Variants in SLC38A10 observed in about 807,000 individuals in gnomAD.
The protein encoded by SLC38A10 is solute carrier family 38 member 10.
SLC38A10 carries 53 observed loss-of-function variants against 81.0 expected under a neutral mutation model. That is an observed-to-expected ratio of 0.65 (90% CI 0.53 to 0.82). The LOEUF (loss-of-function observed/expected upper bound fraction) is 0.82. Ranked by LOEUF, SLC38A10 falls within the 40% of genes least tolerant of loss-of-function variation. The pLI is 0.00. For missense variants in SLC38A10, 1,471 were observed against 1,545.0 expected (o/e 0.95, Z 0.80); for synonymous variants, 665 against 655.3 (o/e 1.01, Z -0.23).
At position 81,245,821 on chromosome 17, in the gene SLC38A10, G is replaced by A. The variant is rs61740864; in HGVS notation, c.3095C>T (p.Pro1032Leu). The A allele has an allele frequency of 4.1e-3, 6,632 of 1,610,356 alleles. 240 individuals are homozygous for A. In the African/African-American group the frequency reaches 0.077, roughly 19 times the overall value. Residue 1032 changes from proline to leucine, a missense_variant, in exon 16 of 16, where the codon CCG becomes CTG. This residue lies in a region of SLC38A10 where 751 missense variants were observed against 717.4 expected (regional missense o/e 1.05). Transcript: ENST00000374759. ...GTCCCGGTTGGGCTTGGCATTGTCC[G>A]GCCTCTGGCCCCCCGGGACAGCTCG... ...LKRAVPGGQR[P>L]DNAKPNRDLK...
intron 1 of SLC38A10, among the ~76,000 whole-genome samples, chr17:81,291,829 G>A (rs2063313047): frequency 6.6e-6 from 1 of 152,116 alleles, no homozygotes; most frequent in Non-Finnish European, 1.5e-5. Flanking sequence ...ACACCAGAAC[G>A]CAAGCCAGAC....
chr17:81,276,991 G>A lies in SLC38A10; in HGVS notation c.729+40C>T, dbSNP rs547421514. ...CGGGGCACCACGGCACATCATGCTG[G>A]CATGACACAGGGGCGGAGAGGGCGT... is the stretch of plus-strand genomic sequence containing the variant. On this transcript the variant is annotated intron_variant, in intron 7 of 15. Coordinates refer to ENST00000374759, the MANE Select transcript of SLC38A10 (RefSeq NM_001037984.3). The surrounding 1 kb of genome is among the most constrained non-coding windows in gnomAD (Gnocchi z 4.7). 26 of 1,589,760 alleles carry A rather than the reference G, an allele frequency of 1.6e-5. 1 individual carries two copies. The highest frequency in any genetic ancestry group is 2.2e-5 in the Non-Finnish European group (25 of 1,158,618).
rs779594461 is a variant in SLC38A10, at chr17:81,270,949, T to C, written c.1100A>G (p.Lys367Arg). 1.5e-5 allele frequency: 25 copies of C among 1,613,952 alleles called. No individual in the cohort carries two copies. The highest frequency in any genetic ancestry group is 2.1e-5 in the Non-Finnish European group (25 of 1,180,012). The change falls in exon 10 of 16, where the codon AAG becomes AGG. Residue 367 changes from lysine (K) to arginine (R), a missense_variant. Physicochemically the swap from Lys to Arg is conservative, Grantham distance 26. Around this residue, in one of 2 missense-constraint regions of SLC38A10, gnomAD observed 720 missense variants for 827.7 expected, o/e 0.87. Transcript: ENST00000374759. The surrounding 1 kb of genome is among the most constrained non-coding windows in gnomAD (Gnocchi z 4.0). ...GGAAAGTGCGTTCTTGTGGATTTTC[T>C]TGTAGATCAGCGCCGGGCAGATGAA... Reference protein sequence around the residue: ...ICFICPALIYKKIHKNALSSQ... With the variant: ...ICFICPALIYRKIHKNALSSQ...
chr17:81,277,756 A>T lies in SLC38A10; in HGVS notation c.627-623T>A, dbSNP rs2063174957. 6.6e-6 allele frequency among the ~76,000 whole-genome samples: 1 copy of T among 152,176 alleles called. No individual in the cohort carries two copies. Among genetic ancestry groups the T allele is most frequent in the South Asian group, 2.1e-4 (1 of 4,828 alleles). On this transcript the variant is annotated intron_variant, in intron 6 of 15. Transcript: ENST00000374759. The surrounding 1 kb of genome is among the most constrained non-coding windows in gnomAD (Gnocchi z 4.5). ...CATGACAGCCCTGCACAGGCAGCAG[A>T]CGCATCCGAGGGACCTGCACAGGGA... is the stretch of plus-strand genomic sequence containing the variant.
At chr17:81,267,058 ACG>A (rs1356868082) in intron 10 of SLC38A10, among the ~76,000 whole-genome samples, 1 of 148,526 alleles carries the variant, frequency 6.7e-6, no homozygotes, top group Non-Finnish European at 1.5e-5. Context: ...GGCAACTAAC[ACG>A]CAACTAACAT....
chr17:81,289,771 C>T lies in SLC38A10; in HGVS notation c.137G>A (p.Cys46Tyr), dbSNP rs1390506423. ...GCACGACTGGTGCGTCATCCATGAG[C>T]AGAAGACCAAGAGCAGCGCCCCCAG... ...IVLGALLLVF[C>Y]SWMTHQSCMF... Residue 46 changes from cysteine to tyrosine, a missense_variant, in exon 2 of 16, where the codon TGC becomes TAC. Cys to Tyr is a radical substitution (Grantham distance 194). This residue lies in a region of SLC38A10 where 720 missense variants were observed against 827.7 expected (regional missense o/e 0.87). Coordinates refer to ENST00000374759, the MANE Select transcript of SLC38A10 (RefSeq NM_001037984.3). This position sits in a 1 kb window ranked among gnomAD's most constrained non-coding sequence, Gnocchi z 5.9. The T allele has an allele frequency of 5.0e-6, 8 of 1,609,330 alleles. No homozygotes were observed. Among genetic ancestry groups the T allele is most frequent in the Non-Finnish European group, 6.8e-6 (8 of 1,178,856 alleles).
chr17:81,259,851 G>A (rs2063005358), intron 11 of SLC38A10, among the ~76,000 whole-genome samples: 1 of 152,212 alleles, frequency 6.6e-6, no homozygotes, highest in African/African-American at 2.4e-5. Flanking sequence ...AAACCAAACT[G>A]AGGCCTGATC....
At chr17:81,248,680 A>G (rs1267186387) in intron 14 of SLC38A10, among the ~76,000 whole-genome samples, 5 of 152,260 alleles carry the variant, frequency 3.3e-5, no homozygotes, top group African/African-American at 9.6e-5. Context: ...ACGGCCCTGC[A>G]TGCCAGGCAT....
At chr17:81,250,218 C>G (rs1436420491) in intron 14 of SLC38A10, 5 of 978,182 alleles carry the variant, frequency 5.1e-6, no homozygotes, top group Non-Finnish European at 6.8e-6. Flanking sequence ...GGAATTGGAA[C>G]CAACAAACAT....
At chr17:81,251,712 C>A in intron 13 of SLC38A10, 100 bp from the exon 14 acceptor site, 1 of 1,305,342 alleles carries the variant, frequency 7.7e-7, no homozygotes, top group East Asian at 2.7e-5. Flanking sequence ...AAGGAAGTGG[C>A]AGATGTTTCT....
Position 81,284,813 on chromosome 17 carries a change from G to A in SLC38A10, c.263+37C>T, listed in dbSNP as rs191459804. Reference sequence around the variant, plus strand: ...GAGGGTCCCCAGTGTCTGGGTGCGGGGGTGGGGGGCAAGCGCAGCGGCAGG... The same window carrying A: ...GAGGGTCCCCAGTGTCTGGGTGCGGAGGTGGGGGGCAAGCGCAGCGGCAGG... On this transcript the variant is annotated intron_variant, in intron 3 of 15. Coordinates refer to ENST00000374759, the MANE Select transcript of SLC38A10 (RefSeq NM_001037984.3). 131 of 1,492,754 alleles carry A rather than the reference G, an allele frequency of 8.8e-5. No individual in the cohort carries two copies. In the African/African-American group the frequency reaches 1.6e-3, roughly 19 times the overall value. 92.5% of individuals were successfully genotyped at this position (1,492,754 alleles called of 1,614,324 possible).
chr17:81,282,372 C>T (rs1001274577), intron 4 of SLC38A10, 40 bp from the exon 5 acceptor site: 37 of 1,574,532 alleles, frequency 2.3e-5, no homozygotes, highest in Non-Finnish European at 2.9e-5. Context: ...ACAGCCCGTG[C>T]CTGCTCACCA....
intron 10 of SLC38A10, among the ~76,000 whole-genome samples, chr17:81,260,853 A>G (rs2063016554): frequency 6.6e-6 from 1 of 152,242 alleles, no homozygotes; most frequent in East Asian, 1.9e-4. Flanking sequence ...GGAGAGGAAC[A>G]GGAACCTCCA....
At chr17:81,285,261 G>T (rs2063254010) in intron 2 of SLC38A10, 1 of 198,746 alleles carries the variant, frequency 5.0e-6, no homozygotes, top group Non-Finnish European at 1.0e-5. Flanking sequence ...CGTGCTGCTG[G>T]CCAGAGCTTG....
chr17:81,253,252 G>A lies in SLC38A10; in HGVS notation c.1289-12C>T, dbSNP rs554481992. The A allele has an allele frequency of 6.2e-5, 100 of 1,613,114 alleles. 2 individuals carry two copies. The South Asian group carries it at 1.0e-3, about 17-fold the overall frequency. ...AACCGGATCCTGGGCTGGGAGCAGG[G>A]CACAGTTAGGGAACTGCACTGCCAA... On this transcript the variant is annotated splice_polypyrimidine_tract_variant and intron_variant, in intron 11 of 15. Transcript: ENST00000374759. This position sits in a 1 kb window ranked among gnomAD's most constrained non-coding sequence, Gnocchi z 4.1.
chr17:81,291,601 C>T (rs1389579779), intron 1 of SLC38A10, among the ~76,000 whole-genome samples: 4 of 152,102 alleles, frequency 2.6e-5, no homozygotes, highest in African/African-American at 9.7e-5. Flanking sequence ...ACCGGGGATG[C>T]GGGCCGGCAT....
Position 81,258,592 on chromosome 17 carries a change from G to A in SLC38A10, c.1288+1646C>T, listed in dbSNP as rs547872647. Among the ~76,000 whole-genome samples, 5 of 151,908 alleles carry A rather than the reference G, an allele frequency of 3.3e-5. No individual in the cohort carries two copies. The South Asian group carries it at 6.3e-4, about 19-fold the overall frequency. ...CCCCGGCAGCCTGCTGGACGAGGGC[G>A]ACACCCCTCACTGCCCAGGGCTAGG... On this transcript the variant is annotated intron_variant, in intron 11 of 15. Coordinates refer to ENST00000374759, the MANE Select transcript of SLC38A10 (RefSeq NM_001037984.3).
In SLC38A10 at chr17:81,246,312, C is replaced by T. The variant is rs761513487; in HGVS notation, c.2604G>A (p.Gly868=). Residue 868 remains glycine (G), a synonymous_variant, in exon 16 of 16, where the codon GGG becomes GGA. Coordinates refer to ENST00000374759, the MANE Select transcript of SLC38A10 (RefSeq NM_001037984.3). The stretch of plus-strand genomic sequence containing the variant: ...CCTCTGCGAGGCGCTCCTCTGGGCC[C>T]CCGGCTTCCCTGGCGGGGTCTGGCA... ...VPVPDPAREA[G]GPEERLAEEF... 1.2e-6 allele frequency: 2 copies of T among 1,610,634 alleles called. No homozygotes were observed. Among genetic ancestry groups the T allele is most frequent in the African/African-American group, 1.3e-5 (1 of 74,936 alleles).
At chr17:81,249,598 C>T (rs1432043585) in intron 14 of SLC38A10, among the ~76,000 whole-genome samples, 1 of 140,856 alleles carries the variant, frequency 7.1e-6, no homozygotes, top group Non-Finnish European at 1.5e-5. Context: ...CCAGAAGCCA[C>T]GTGGGACACA....
Sources: gnomAD v4.1 joint callset for allele counts (sites outside exome capture counted in the v4.1 genomes callset) on GRCh38, gnomAD v4.1.1 for gene constraint, gnomAD v4.1.1 regional missense constraint, Gnocchi (gnomAD v3.1) non-coding constraint, MANE v1.5 for transcripts, NCBI Gene and HGNC (gene_info 2026-07-23, HGNC 2026-07-21) for gene names.